Variants in ARL15 observed in about 807,000 individuals in gnomAD.
ARL15 encodes ADP-ribosylation factor-like protein 15.
Under a neutral mutation model 25.2 loss-of-function variants are expected in ARL15, and 19 were observed. That is an observed-to-expected ratio of 0.75 (90% CI 0.53 to 1.10). ARL15 has a LOEUF of 1.10. ARL15 is among the 50% of genes least tolerant of loss of function. The pLI is 0.00. For synonymous variants in ARL15, 94 were observed against 86.8 expected (o/e 1.08, Z -0.46); for missense variants, 220 against 246.0 (o/e 0.89, Z 0.71).
intron 3 of ARL15, among the ~76,000 whole-genome samples, chr5:54,114,804 T>C (rs182418622): frequency 1.8e-4 from 28 of 152,066 alleles, no homozygotes; most frequent in African/African-American, 6.5e-4. Flanking sequence ...GGAGGGGCAA[T>C]ATGTGTGCAT....
At chr5:54,211,405 C>A (rs1266182832) in intron 1 of ARL15, among the ~76,000 whole-genome samples, 3 of 150,556 alleles carry the variant, frequency 2.0e-5, no homozygotes, top group Admixed American at 1.3e-4. Flanking sequence ...ATTCCTTGGG[C>A]AGTTAAAAGA....
At chr5:54,063,438 A>C (rs1751127028) in intron 4 of ARL15, among the ~76,000 whole-genome samples, 1 of 152,242 alleles carries the variant, frequency 6.6e-6, no homozygotes, top group Non-Finnish European at 1.5e-5. Flanking sequence ...GCTTGTGGGC[A>C]GACACAAAGC....
At chr5:54,122,356 A>G (rs1277549168) in intron 3 of ARL15, among the ~76,000 whole-genome samples, 1 of 152,254 alleles carries the variant, frequency 6.6e-6, no homozygotes, top group Non-Finnish European at 1.5e-5. Flanking sequence ...TCGTGTTAAC[A>G]TTCAGGTGAC....
chr5:53,962,861 T>G (rs1408232927), intron 4 of ARL15, among the ~76,000 whole-genome samples: 1 of 152,164 alleles, frequency 6.6e-6, no homozygotes, highest in Non-Finnish European at 1.5e-5. Flanking sequence ...TAAGGTTTTT[T>G]TATTTTTATT....
Position 53,947,167 on chromosome 5 carries a change from G to GGTGTGTGTGTGT in ARL15, c.463-60466_463-60455dup, listed in dbSNP as rs3222349. Among the ~76,000 whole-genome samples, 302 of 123,682 alleles carry GGTGTGTGTGTGT rather than the reference G, an allele frequency of 2.4e-3. 2 individuals are homozygous for GGTGTGTGTGTGT. The highest frequency in any genetic ancestry group is 6.0e-3 in the African/African-American group (199 of 32,976). 81.1% of individuals were successfully genotyped at this position (123,682 alleles called of 152,430 possible). ...CTAGCCAAAGAGAAAAATAAATAAG[G>GGTGTGTGTGTGT]GTGTGTGTGTGTGTGTGTGTGTGTG... On this transcript the variant is annotated intron_variant, in intron 4 of 4. Coordinates refer to ENST00000504924, the MANE Select transcript of ARL15 (RefSeq NM_019087.3).
At chr5:54,069,354 T>C (rs973303247) in intron 4 of ARL15, among the ~76,000 whole-genome samples, 2 of 152,082 alleles carry the variant, frequency 1.3e-5, no homozygotes, top group Non-Finnish European at 2.9e-5. Context: ...GTGGATCACC[T>C]CAGGTCAGGA....
chr5:54,161,668 T>C (rs780138677), intron 2 of ARL15, among the ~76,000 whole-genome samples: 31 of 152,310 alleles, frequency 2.0e-4, no homozygotes, highest in Non-Finnish European at 3.2e-4. Flanking sequence ...GTAAGTGTGG[T>C]TGAATTCTCT....
At chr5:54,028,666 A>G (rs1413454957) in intron 4 of ARL15, among the ~76,000 whole-genome samples, 5 of 152,186 alleles carry the variant, frequency 3.3e-5, no homozygotes, top group Non-Finnish European at 5.9e-5. Context: ...TTGAAGGCAA[A>G]GAGCAGAAAT....
intron 4 of ARL15, among the ~76,000 whole-genome samples, chr5:53,994,483 A>G (rs1199657365): frequency 6.6e-6 from 1 of 152,228 alleles, no homozygotes; most frequent in Non-Finnish European, 1.5e-5. Context: ...TTTTAACAAC[A>G]ATTATCCTCT....
intron 4 of ARL15, among the ~76,000 whole-genome samples, chr5:53,970,528 C>G (rs973529546): frequency 5.9e-5 from 9 of 151,956 alleles, no homozygotes; most frequent in Admixed American, 3.3e-4. Context: ...GAGAGAACTC[C>G]GTTTTTATTT....
chr5:54,019,296 A>G (rs1749523622), intron 4 of ARL15, among the ~76,000 whole-genome samples: 1 of 152,088 alleles, frequency 6.6e-6, no homozygotes. Flanking sequence ...TAAACGACGT[A>G]TTGTTTAAGT....
intron 4 of ARL15, among the ~76,000 whole-genome samples, chr5:53,938,324 C>T (rs1328759536): frequency 1.3e-5 from 2 of 152,024 alleles, no homozygotes; most frequent in African/African-American, 2.4e-5. Context: ...AGCAATTAAA[C>T]TACAGCACTA....
rs1758871965 is a variant in ARL15 at position 54,310,549 on chromosome 5, A to G, written c.-70T>C. 8.6e-6 allele frequency: 13 copies of G among 1,515,902 alleles called. No individual in the cohort carries two copies. Among genetic ancestry groups the G allele is most frequent in the Non-Finnish European group, 1.2e-5 (13 of 1,119,544 alleles). The allele number at this position is 1,515,902 out of a possible 1,614,324, so 93.9% of individuals were successfully genotyped here. On this transcript the variant is annotated 5_prime_UTR_variant, in exon 1 of 5. Coordinates refer to ENST00000504924, the MANE Select transcript of ARL15 (RefSeq NM_019087.3). The stretch of plus-strand genomic sequence containing the variant: ...AAAGCAGCGTCTCTGGCTGCGAGCG[A>G]GCAGCTCCTGAAAAAGCCAGCAACA...
chr5:53,971,558 A>T (rs987641224), intron 4 of ARL15, among the ~76,000 whole-genome samples: 6 of 152,202 alleles, frequency 3.9e-5, no homozygotes, highest in African/African-American at 1.4e-4. Flanking sequence ...ATTCATTTAC[A>T]CACAGCTATT....
At chr5:54,012,846 T>A (rs1166905402) in intron 4 of ARL15, among the ~76,000 whole-genome samples, 6 of 143,384 alleles carry the variant, frequency 4.2e-5, no homozygotes, top group African/African-American at 1.3e-4. Flanking sequence ...TTAGATGGAG[T>A]CTCGCTCTGT....
chr5:53,900,523 A>G (rs1745028170), intron 4 of ARL15, among the ~76,000 whole-genome samples: 1 of 134,754 alleles, frequency 7.4e-6, no homozygotes, highest in South Asian at 2.5e-4. Flanking sequence ...CATGTGTATG[A>G]GTCCTCAGTT....
chr5:54,049,703 C>T (rs957928274), intron 4 of ARL15, among the ~76,000 whole-genome samples: 10 of 151,932 alleles, frequency 6.6e-5, no homozygotes, highest in Admixed American at 2.0e-4. Flanking sequence ...CAGACTCAGG[C>T]AATCCTCCTA....
At chr5:54,015,946 A>G (rs193094087) in intron 4 of ARL15, among the ~76,000 whole-genome samples, 11 of 152,186 alleles carry the variant, frequency 7.2e-5, no homozygotes, top group African/African-American at 2.7e-4. Flanking sequence ...GCATAATAAT[A>G]CAACTTTTAT....
chr5:54,263,557 T>C (rs1757550839), intron 1 of ARL15, among the ~76,000 whole-genome samples: 1 of 152,078 alleles, frequency 6.6e-6, no homozygotes, highest in Non-Finnish European at 1.5e-5. Flanking sequence ...AACCCTATGG[T>C]TCCACGAAGA....
Sources: allele counts gnomAD v4.1 joint callset (sites outside exome capture counted in the v4.1 genomes callset), GRCh38; gene constraint gnomAD v4.1.1; transcripts MANE v1.5; gene names NCBI Gene and HGNC (gene_info 2026-07-23, HGNC 2026-07-21).